Variants in PKHD1 observed in about 807,000 individuals in gnomAD.
PKHD1 encodes PKHD1 ciliary IPT domain containing fibrocystin/polyductin.
PKHD1 carries 291 observed loss-of-function variants against 412.0 expected under a neutral mutation model. The observed-to-expected ratio is 0.71, with a 90% CI of 0.64 to 0.78. PKHD1 has a LOEUF of 0.78. Among genes scored for constraint, PKHD1 ranks in the 30% least tolerant of loss-of-function variants. PKHD1 has a pLI of 0.00. For missense variants in PKHD1, 4,825 were observed against 4,950.7 expected (o/e 0.97, Z 0.76); for synonymous variants, 1,777 against 1,821.5 (o/e 0.98, Z 0.62).
chr6:51,759,565 TAAAG>T (rs1787628665), intron 55 of PKHD1, among the ~76,000 whole-genome samples: 1 of 151,892 alleles, frequency 6.6e-6, no homozygotes, highest in Non-Finnish European at 1.5e-5. Context: ...GAGGTTGAAA[TAAAG>T]AAGTAAAAAA....
chr6:51,888,729 T>C (rs1778608611), intron 43 of PKHD1, among the ~76,000 whole-genome samples: 2 of 151,258 alleles, frequency 1.3e-5, no homozygotes, highest in African/African-American at 2.4e-5. Context: ...ACAAAGTAAA[T>C]AACATGTTGG....
At chr6:51,935,133 G>A (rs186888153) in intron 36 of PKHD1, among the ~76,000 whole-genome samples, 4 of 152,160 alleles carry the variant, frequency 2.6e-5, no homozygotes, top group African/African-American at 9.6e-5. Flanking sequence ...CTGATTAGTA[G>A]GTTACCCAAT....
At chr6:51,865,081 C>A in intron 48 of PKHD1, among the ~76,000 whole-genome samples, 1 of 152,110 alleles carries the variant, frequency 6.6e-6, no homozygotes, top group Non-Finnish European at 1.5e-5. Context: ...ACTAACACTA[C>A]CCCTGTCTCA....
At chr6:52,034,132 C>T (rs904240410) in intron 28 of PKHD1, among the ~76,000 whole-genome samples, 6 of 137,294 alleles carry the variant, frequency 4.4e-5, no homozygotes, top group African/African-American at 8.3e-5. Flanking sequence ...CTCAAACAAA[C>T]GAACAAACAA....
intron 27 of PKHD1, among the ~76,000 whole-genome samples, chr6:52,038,547 CAG>C (rs1018304467): frequency 6.6e-6 from 1 of 152,020 alleles, no homozygotes; most frequent in Non-Finnish European, 1.5e-5. Context: ...AGACATGGAA[CAG>C]AGTCTTCCTC....
chr6:52,054,012 A>T (rs753848888), intron 20 of PKHD1, 26 bp downstream of exon 20: 5 of 1,613,018 alleles, frequency 3.1e-6, no homozygotes, highest in Non-Finnish European at 4.2e-6. Flanking sequence ...CTGAATTCCC[A>T]CCACGCCTCC....
At chr6:51,669,039 A>T (rs545368423) in intron 60 of PKHD1, among the ~76,000 whole-genome samples, 21 of 152,184 alleles carry the variant, frequency 1.4e-4, no homozygotes, top group Admixed American at 2.6e-4. Context: ...CAGCTTTGGT[A>T]TCAGGATGAT....
Position 52,027,895 on chromosome 6 carries a change from C to T in PKHD1, c.3562G>A (p.Val1188Ile), listed in dbSNP as rs1802456711. The T allele has an allele frequency of 6.2e-7, 1 of 1,611,386 alleles. No homozygotes were observed. Among genetic ancestry groups the T allele is most frequent in the Non-Finnish European group, 8.5e-7 (1 of 1,177,552 alleles). Residue 1188 changes from valine (V) to isoleucine (I), a missense_variant and splice_region_variant, in exon 31 of 67, where the codon GTT (valine) becomes ATT (isoleucine). Coordinates refer to ENST00000371117, the MANE Select transcript of PKHD1 (RefSeq NM_138694.4). ...GTGAGGTACTGGATGTGGAGATCAA[C>T]CCTACAGAAGATAGGCAGATGTTTA... ...INGVSIHSQG[V>I]DLHIQYLTEV... is the part of the protein sequence containing the mutation.
At chr6:51,705,228 A>G (rs1312923011) in intron 60 of PKHD1, among the ~76,000 whole-genome samples, 1 of 152,000 alleles carries the variant, frequency 6.6e-6, no homozygotes, top group Non-Finnish European at 1.5e-5. Context: ...TGAAAAATCA[A>G]AGGAGGATGG....
intron 35 of PKHD1, among the ~76,000 whole-genome samples, chr6:51,977,465 C>A (rs191615962): frequency 6.6e-6 from 1 of 152,346 alleles, no homozygotes; most frequent in African/African-American, 2.4e-5. Context: ...CAGCCTTTCA[C>A]CCCTGTTCTA....
intron 35 of PKHD1, among the ~76,000 whole-genome samples, chr6:51,970,266 C>A (rs1197560944): frequency 1.3e-5 from 2 of 152,054 alleles, no homozygotes; most frequent in Non-Finnish European, 2.9e-5. Context: ...GTGTCCTTTG[C>A]CTACTTTTTA....
intron 51 of PKHD1, among the ~76,000 whole-genome samples, chr6:51,832,285 G>T (rs1037497217): frequency 6.6e-6 from 1 of 152,036 alleles, no homozygotes; most frequent in Non-Finnish European, 1.5e-5. Context: ...GCATTTTAAA[G>T]CCTTAGAAGT....
chr6:52,069,916 T>C (rs1490944712), intron 10 of PKHD1, among the ~76,000 whole-genome samples: 1 of 152,198 alleles, frequency 6.6e-6, no homozygotes, highest in Admixed American at 6.5e-5. Context: ...ACAAGGCAAT[T>C]ATTATCAATT....
chr6:51,957,330 G>A (rs2127931559), intron 36 of PKHD1, among the ~76,000 whole-genome samples: 1 of 152,190 alleles, frequency 6.6e-6, no homozygotes, highest in Non-Finnish European at 1.5e-5. Context: ...TTTCTCAGAT[G>A]TTCTGCAGGG....
intron 60 of PKHD1, among the ~76,000 whole-genome samples, chr6:51,684,411 G>A (rs1462642989): frequency 6.6e-6 from 1 of 152,038 alleles, no homozygotes; most frequent in Non-Finnish European, 1.5e-5. Flanking sequence ...TGTAAATAAA[G>A]AAAATTTAAA....
In PKHD1 at chr6:51,770,676, A is replaced by AT. The variant is rs1789937625; in HGVS notation, c.8642+2025dup. ...TATTATTTATTTTATGGTTTCTTTC[A>AT]TTTTTTTCCCACTGGTGATTTGGAA... is the stretch of plus-strand genomic sequence containing the variant. On this transcript the variant is annotated intron_variant, in intron 55 of 66. Coordinates refer to ENST00000371117, the MANE Select transcript of PKHD1 (RefSeq NM_138694.4). 3.6e-5 allele frequency among the ~76,000 whole-genome samples: 5 copies of AT among 137,476 alleles called. No individual in the cohort carries two copies. The South Asian group carries it at 7.2e-4, about 20-fold the overall frequency. 90.2% of individuals were successfully genotyped at this position (137,476 alleles called of 152,430 possible).
At chr6:51,720,735 TTG>T (rs1475746726) in intron 60 of PKHD1, 1 of 142,694 alleles carries the variant, frequency 7.0e-6, no homozygotes, top group African/African-American at 2.6e-5. Flanking sequence ...AATTATACAT[TTG>T]TGTGTGTATG....
chr6:51,626,865 G>T lies in PKHD1; in HGVS notation c.11785+132C>A, dbSNP rs920683183. 4 of 899,286 alleles carry T rather than the reference G, an allele frequency of 4.4e-6. No homozygotes were observed. The African/African-American group carries it at 6.6e-5, about 15-fold the overall frequency. The allele number at this position is 899,286 out of a possible 1,614,324, so 55.7% of individuals were successfully genotyped here. On this transcript the variant is annotated intron_variant, in intron 66 of 66. Transcript: ENST00000371117. ...TTTTCTGCTGGGGTATAATTTCTTTGAAGGAAAGTAACAAAGACTAAGAAG... is the reference window on the plus strand; with the variant it reads ...TTTTCTGCTGGGGTATAATTTCTTTTAAGGAAAGTAACAAAGACTAAGAAG...
At chr6:52,080,535 T>G (rs1331636261) in intron 4 of PKHD1, among the ~76,000 whole-genome samples, 1 of 152,222 alleles carries the variant, frequency 6.6e-6, no homozygotes, top group South Asian at 2.1e-4. Context: ...CTGACATCCA[T>G]GTTGATTTTT....
Sources: gnomAD v4.1 joint callset for allele counts (sites outside exome capture counted in the v4.1 genomes callset) on GRCh38, gnomAD v4.1.1 for gene constraint, MANE v1.5 for transcripts, NCBI Gene and HGNC (gene_info 2026-07-23, HGNC 2026-07-21) for gene names.